The following PARD3B variants were observed in gnomAD, a reference collection of about 807,000 sequenced individuals.
PARD3B encodes par-3 family cell polarity regulator beta.
PARD3B carries 103 observed loss-of-function variants against 130.2 expected under a neutral mutation model. That is an observed-to-expected ratio of 0.79 (90% CI 0.67 to 0.93). The LOEUF is 0.93. PARD3B is among the 40% of genes least tolerant of loss of function. The probability of loss-of-function intolerance (pLI) is 0.00; values close to 1 mark genes in which losing one functional copy is unlikely to be tolerated. For synonymous variants in PARD3B, 583 were observed against 553.2 expected, an observed-to-expected ratio of 1.05 and a Z score of -0.76; for missense variants, 1,609 against 1,499.2, an observed-to-expected ratio of 1.07 and a Z score of -1.21.
Position 205,176,550 on chromosome 2 carries a change from A to G in PARD3B, c.1897A>G (p.Thr633Ala). 1 of 1,611,824 alleles carries G rather than the reference A, an allele frequency of 6.2e-7. No homozygotes were observed. Among genetic ancestry groups the G allele is most frequent in the Non-Finnish European group, 8.5e-7 (1 of 1,178,756 alleles). ...NDNSILHPLG[T>A]CSPQDKQKGL... ...TAATAGTATCCTGCATCCACTTGGC[A>G]CTTGCAGTCCACAAGACAAACAGAA... Residue 633 changes from threonine (T) to alanine (A), a missense_variant, in exon 13 of 23, where the codon ACT becomes GCT. Coordinates refer to ENST00000406610, the MANE Select transcript of PARD3B (RefSeq NM_001302769.2). The surrounding 1 kb of genome is among the most constrained non-coding windows in gnomAD (Gnocchi z 5.3).
chr2:204,750,367 T>G (rs1483257445), intron 2 of PARD3B, among the ~76,000 whole-genome samples: 1 of 152,156 alleles, frequency 6.6e-6, no homozygotes, highest in East Asian at 1.9e-4. Context: ...CAGATCACCT[T>G]GAGCTCAGCA....
intron 2 of PARD3B, among the ~76,000 whole-genome samples, chr2:204,832,197 G>T (rs1411530904): frequency 6.6e-6 from 1 of 152,148 alleles, no homozygotes; most frequent in Non-Finnish European, 1.5e-5. Flanking sequence ...CTGCACTCCA[G>T]TCTGGGCGAC....
chr2:205,503,015 C>T (rs2106349116), intron 21 of PARD3B, among the ~76,000 whole-genome samples: 1 of 149,242 alleles, frequency 6.7e-6, no homozygotes. Flanking sequence ...CCTCTCCCCT[C>T]TCCCCTCTCC....
intron 20 of PARD3B, among the ~76,000 whole-genome samples, chr2:205,456,050 A>G (rs899693446): frequency 6.6e-6 from 1 of 152,108 alleles, no homozygotes; most frequent in African/African-American, 2.4e-5. Flanking sequence ...ATGGGGTAGC[A>G]TGTGACCTTT....
chr2:205,020,452 G>A (rs962849178), intron 3 of PARD3B, among the ~76,000 whole-genome samples: 1 of 152,044 alleles, frequency 6.6e-6, no homozygotes, highest in Non-Finnish European at 1.5e-5. Context: ...TCTTTGTTGA[G>A]TTAAATAAGA....
chr2:204,900,801 G>A (rs1450736560), intron 2 of PARD3B, among the ~76,000 whole-genome samples: 1 of 152,138 alleles, frequency 6.6e-6, no homozygotes, highest in Non-Finnish European at 1.5e-5. Context: ...CTTAGATGTT[G>A]TAATCTAAGT....
At chr2:205,147,292 T>C (rs1231417248) in intron 10 of PARD3B, among the ~76,000 whole-genome samples, 1 of 152,302 alleles carries the variant, frequency 6.6e-6, no homozygotes, top group East Asian at 1.9e-4. Context: ...TCACTAAACA[T>C]TGAATTTTCT....
chr2:204,974,741 C>T (rs1691994358), intron 3 of PARD3B, among the ~76,000 whole-genome samples: 1 of 152,214 alleles, frequency 6.6e-6, no homozygotes, highest in Admixed American at 6.5e-5. Flanking sequence ...AGCATTTGCT[C>T]AGCTAACATC....
chr2:205,616,346 A>G lies in PARD3B; in HGVS notation c.*533A>G, dbSNP rs2055436475. ...AGTGAGTATAGGTTTTTTGACTAAGAAAAAAAACAACAGCAAACATGACTA... is the reference window on the plus strand; with the variant it reads ...AGTGAGTATAGGTTTTTTGACTAAGGAAAAAAACAACAGCAAACATGACTA... On this transcript the variant is annotated 3_prime_UTR_variant, in exon 23 of 23. Coordinates refer to ENST00000406610, the MANE Select transcript of PARD3B (RefSeq NM_001302769.2). 1 of 152,448 alleles carries G rather than the reference A, an allele frequency of 6.6e-6. No homozygotes were observed. Among genetic ancestry groups the G allele is most frequent in the South Asian group, 2.1e-4 (1 of 4,828 alleles). The allele number at this position is 152,448 out of a possible 1,614,324, so 9.4% of individuals were successfully genotyped here. A position where few individuals can be genotyped will look rare whatever the true frequency, so the allele number is the denominator to read the frequency against.
intron 19 of PARD3B, among the ~76,000 whole-genome samples, chr2:205,424,149 G>A (rs937306398): frequency 1.3e-5 from 2 of 152,116 alleles, no homozygotes; most frequent in African/African-American, 2.4e-5. Flanking sequence ...AGCCTTCTGC[G>A]TGAGTTGGAT....
chr2:205,020,052 G>T (rs115538348), intron 3 of PARD3B, among the ~76,000 whole-genome samples: 2 of 152,198 alleles, frequency 1.3e-5, no homozygotes, highest in Admixed American at 6.5e-5. Flanking sequence ...GTGGATTGGG[G>T]ATATTCACTC....
Position 205,615,943 on chromosome 2 carries a change from T to C in PARD3B, c.*130T>C, listed in dbSNP as rs1299027983. 7 of 792,038 alleles carry C rather than the reference T, an allele frequency of 8.8e-6. No individual in the cohort carries two copies. Among genetic ancestry groups the C allele is most frequent in the Admixed American group, 2.6e-5 (1 of 38,650 alleles). 49.1% of individuals were successfully genotyped at this position (792,038 alleles called of 1,614,324 possible). A position where few individuals can be genotyped will look rare whatever the true frequency, so the allele number is the denominator to read the frequency against. On this transcript the variant is annotated 3_prime_UTR_variant, in exon 23 of 23. Transcript: ENST00000406610. Reference sequence around the variant, plus strand: ...ACTGATAAGCTTTTTCTCACTGACATTGTAACGCATGACTGCTAATCAGAG... The same window carrying C: ...ACTGATAAGCTTTTTCTCACTGACACTGTAACGCATGACTGCTAATCAGAG...
At chr2:204,661,194 C>T (rs2035796782) in intron 1 of PARD3B, among the ~76,000 whole-genome samples, 1 of 152,068 alleles carries the variant, frequency 6.6e-6, no homozygotes, top group Non-Finnish European at 1.5e-5. Context: ...GGTAGTAACC[C>T]TTCCTCTTTC....
chr2:204,998,312 G>GTATA lies in PARD3B; in HGVS notation c.394+33033_394+33036dup, dbSNP rs771546892. ...CTGCACATGTATCCCAGAACTTAAA[G>GTATA]TATATATATATATATATATATATAT... is the stretch of plus-strand genomic sequence containing the variant. On this transcript the variant is annotated intron_variant, in intron 3 of 22. Coordinates refer to ENST00000406610, the MANE Select transcript of PARD3B (RefSeq NM_001302769.2). Among the ~76,000 whole-genome samples the GTATA allele has an allele frequency of 2.9e-3, 150 of 51,730 alleles. 1 individual carries two copies. Among genetic ancestry groups the GTATA allele is most frequent in the Middle Eastern group, 0.011 (1 of 90 alleles). 33.9% of individuals were successfully genotyped at this position (51,730 alleles called of 152,430 possible).
chr2:204,991,924 G>C (rs906517289), intron 3 of PARD3B, among the ~76,000 whole-genome samples: 2 of 150,726 alleles, frequency 1.3e-5, no homozygotes, highest in South Asian at 2.1e-4. Flanking sequence ...TGATGGGGTT[G>C]TTTGTTTTTT....
At chr2:204,775,566 A>G (rs112254783) in intron 2 of PARD3B, among the ~76,000 whole-genome samples, 3 of 152,260 alleles carry the variant, frequency 2.0e-5, no homozygotes, top group African/African-American at 7.2e-5. Flanking sequence ...CAAACCCAGG[A>G]TCTCTACACA....
chr2:204,611,914 G>A (rs1447311870), intron 1 of PARD3B, among the ~76,000 whole-genome samples: 2 of 152,104 alleles, frequency 1.3e-5, no homozygotes, highest in Non-Finnish European at 2.9e-5. Context: ...TGATGGTTAA[G>A]GTTGAGTCTG....
At chr2:205,112,594 C>CT (rs1703722852) in intron 5 of PARD3B, among the ~76,000 whole-genome samples, 1 of 151,984 alleles carries the variant, frequency 6.6e-6, no homozygotes, top group African/African-American at 2.4e-5. Flanking sequence ...TTTCCTTCAA[C>CT]TTTATTATTT....
intron 22 of PARD3B, among the ~76,000 whole-genome samples, chr2:205,614,813 A>G (rs2055362950): frequency 6.6e-6 from 1 of 152,172 alleles, no homozygotes; most frequent in African/African-American, 2.4e-5. Flanking sequence ...ATCCACACCA[A>G]GATGTAACAG....
Sources: gnomAD v4.1 joint callset for allele counts (sites outside exome capture counted in the v4.1 genomes callset) on GRCh38, gnomAD v4.1.1 for gene constraint, Gnocchi (gnomAD v3.1) non-coding constraint, MANE v1.5 for transcripts, NCBI Gene and HGNC (gene_info 2026-07-23, HGNC 2026-07-21) for gene names.